Variants in NFATC3 observed in about 807,000 individuals in gnomAD.
NFATC3 encodes nuclear factor of activated T-cells, cytoplasmic 3.
A neutral mutation model predicts 98.6 loss-of-function variants in NFATC3; 46 were observed. The observed-to-expected ratio is 0.47, with a 90% confidence interval of 0.37 to 0.60. The LOEUF is 0.60. NFATC3 is among the 20% of genes least tolerant of loss of function. NFATC3 has a pLI of 0.00. For missense variants in NFATC3, 1,256 were observed against 1,295.5 expected (o/e 0.97, Z 0.47); for synonymous variants, 512 against 472.2 (o/e 1.08, Z -1.09).
intron 4 of NFATC3, among the ~76,000 whole-genome samples, chr16:68,159,988 G>T (rs546167016): frequency 6.6e-6 from 1 of 152,078 alleles, no homozygotes; most frequent in South Asian, 2.1e-4. Context: ...TGAGGCAGGA[G>T]AATTGCTTGA....
intron 1 of NFATC3, among the ~76,000 whole-genome samples, chr16:68,116,035 G>C (rs1488771389): frequency 6.6e-6 from 1 of 151,998 alleles, no homozygotes; most frequent in Non-Finnish European, 1.5e-5. Flanking sequence ...GAAGGAATAG[G>C]GGTAGTACAT....
In NFATC3 at chr16:68,220,145, C is replaced by G. The variant is rs543147388; in HGVS notation, c.3107-6205C>G. The stretch of plus-strand genomic sequence containing the variant: ...GTGGCTGCCAAAAGTGTGCCAGATC[C>G]TGTGACCTACATAACCTGTTAGCAC... On this transcript the variant is annotated intron_variant, in intron 9 of 9. Coordinates refer to ENST00000346183, the MANE Select transcript of NFATC3 (RefSeq NM_173165.3). Among the ~76,000 whole-genome samples, 45 of 152,334 alleles carry G rather than the reference C, an allele frequency of 3.0e-4. No homozygotes were observed. In the East Asian group the frequency reaches 8.5e-3, roughly 29 times the overall value.
intron 6 of NFATC3, among the ~76,000 whole-genome samples, chr16:68,180,903 A>T (rs919080901): frequency 1.3e-5 from 2 of 152,196 alleles, no homozygotes; most frequent in Non-Finnish European, 2.9e-5. Context: ...CCAGTCTATC[A>T]TTCATGGACA....
At chr16:68,105,545 T>C (rs2035609704) in intron 1 of NFATC3, among the ~76,000 whole-genome samples, 1 of 152,238 alleles carries the variant, frequency 6.6e-6, no homozygotes. Flanking sequence ...TTGAGGATTT[T>C]TGTGTTTATA....
At chr16:68,104,599 G>A (rs916112252) in intron 1 of NFATC3, among the ~76,000 whole-genome samples, 1 of 151,124 alleles carries the variant, frequency 6.6e-6, no homozygotes, top group African/African-American at 2.4e-5. Flanking sequence ...TTATCTTGGG[G>A]GAAGGCTTTT....
chr16:68,203,125 G>C (rs1191645886), intron 9 of NFATC3, among the ~76,000 whole-genome samples: 1 of 152,052 alleles, frequency 6.6e-6, no homozygotes, highest in Non-Finnish European at 1.5e-5. Flanking sequence ...ACCATGATGG[G>C]GATTCAAGAC....
intron 8 of NFATC3, among the ~76,000 whole-genome samples, chr16:68,188,369 G>C (rs1268550345): frequency 2.0e-5 from 3 of 152,160 alleles, no homozygotes; most frequent in African/African-American, 4.8e-5. Flanking sequence ...AGGGATGCCC[G>C]GGTCAGCAGC....
chr16:68,222,056 G>A (rs111948678), intron 9 of NFATC3, among the ~76,000 whole-genome samples: 16,104 of 151,762 alleles, frequency 0.11, 981 homozygotes, highest in South Asian at 0.19. Context: ...TTAGGAGGCT[G>A]AGGCAGGAGG....
intron 1 of NFATC3, among the ~76,000 whole-genome samples, chr16:68,091,321 T>C (rs964915502): frequency 2.6e-5 from 4 of 152,212 alleles, no homozygotes; most frequent in Admixed American, 2.6e-4. Flanking sequence ...AATCAACTTA[T>C]AATAATGACT....
Position 68,122,029 on chromosome 16 carries a change from T to C in NFATC3, c.146T>C (p.Val49Ala). ...DDCASIYIFN[V>A]DPPPSTLTTP... ...TGTGCATCCATTTACATCTTTAATG[T>C]AGATCCACCTCCATCTACTTTAACC... Residue 49 changes from valine (V) to alanine (A), a missense_variant, in exon 2 of 10, where the codon GTA becomes GCA. Physicochemically the swap from Val to Ala is moderately conservative, Grantham distance 64 (BLOSUM62 0). This residue lies in a region of NFATC3 where 464 missense variants were observed against 465.7 expected (regional missense o/e 1.00). Transcript: ENST00000346183. The C allele has an allele frequency of 1.2e-6, 2 of 1,613,756 alleles. No homozygotes were observed. The highest frequency in any genetic ancestry group is 1.1e-5 in the South Asian group (1 of 91,052).
chr16:68,211,510 T>TG (rs1403052328), intron 9 of NFATC3, among the ~76,000 whole-genome samples: 2 of 145,070 alleles, frequency 1.4e-5, no homozygotes, highest in African/African-American at 5.1e-5. Context: ...GTAAATGTTT[T>TG]TTGTTGTTGT....
At chr16:68,192,460 A>C (rs945751464) in intron 9 of NFATC3, among the ~76,000 whole-genome samples, 3 of 151,766 alleles carry the variant, frequency 2.0e-5, no homozygotes, top group Non-Finnish European at 2.9e-5. Context: ...GTGAGATCAC[A>C]GTGTCTAGAG....
chr16:68,165,828 G>C (rs577724863), intron 4 of NFATC3, among the ~76,000 whole-genome samples: 42 of 152,210 alleles, frequency 2.8e-4, no homozygotes, highest in Non-Finnish European at 5.3e-4. Flanking sequence ...CGAATGCCTT[G>C]TTAGCAAGGT....
chr16:68,183,930 CCA>C (rs1480728605), intron 8 of NFATC3, among the ~76,000 whole-genome samples: 1 of 150,412 alleles, frequency 6.6e-6, no homozygotes, highest in Non-Finnish European at 1.5e-5. Flanking sequence ...TTGCTTGAAC[CCA>C]GGAGTGGAGG....
intron 1 of NFATC3, among the ~76,000 whole-genome samples, chr16:68,108,131 T>C (rs1439314736): frequency 6.6e-6 from 1 of 152,212 alleles, no homozygotes. Flanking sequence ...GCCATTTTCA[T>C]CAAGAAATCT....
chr16:68,107,871 A>C (rs2151475631), intron 1 of NFATC3, among the ~76,000 whole-genome samples: 1 of 150,060 alleles, frequency 6.7e-6, no homozygotes, highest in Non-Finnish European at 1.5e-5. Flanking sequence ...TCTTCTTTTG[A>C]GAAATGTCTG....
intron 1 of NFATC3, among the ~76,000 whole-genome samples, chr16:68,099,907 C>G (rs1192763363): frequency 2.0e-5 from 3 of 152,122 alleles, no homozygotes; most frequent in Non-Finnish European, 4.4e-5. Context: ...CTCTTGGGCT[C>G]AAGCTCTCCT....
At chr16:68,185,024 C>G (rs2040123990) in intron 8 of NFATC3, among the ~76,000 whole-genome samples, 1 of 151,018 alleles carries the variant, frequency 6.6e-6, no homozygotes, top group South Asian at 2.1e-4. Flanking sequence ...CCCTGTTGCT[C>G]AGGCTTGAGT....
intron 3 of NFATC3, among the ~76,000 whole-genome samples, chr16:68,149,909 ATAGGT>A (rs954721875): frequency 5.9e-5 from 9 of 152,182 alleles, no homozygotes; most frequent in Admixed American, 3.3e-4. Context: ...TGCTTTTTTG[ATAGGT>A]TAGAAGTAGT....
Sources: allele counts gnomAD v4.1 joint callset (sites outside exome capture counted in the v4.1 genomes callset), GRCh38; gene constraint gnomAD v4.1.1; regional missense constraint gnomAD v4.1.1; transcripts MANE v1.5; gene names NCBI Gene and HGNC (gene_info 2026-07-23, HGNC 2026-07-21).